FOCAD: variants seen among roughly 807,000 people sequenced by gnomAD.
The protein encoded by FOCAD is focadhesin.
In FOCAD, 198 loss-of-function variants were observed where a neutral mutation model predicts 225.6. The ratio of observed to expected loss-of-function variants is 0.88; its 90% CI spans 0.78 to 0.99. FOCAD has a LOEUF of 0.99. FOCAD is among the 50% of genes least tolerant of loss of function. FOCAD has a pLI of 0.00. For synonymous variants in FOCAD, 897 were observed against 755.0 expected, an observed-to-expected ratio of 1.19 and a Z score of -3.08; for missense variants, 2,713 against 2,123.6, an observed-to-expected ratio of 1.28 and a Z score of -5.46.
intron 15 of FOCAD, among the ~76,000 whole-genome samples, chr9:20,856,800 T>C (rs1004550044): frequency 6.6e-6 from 1 of 152,118 alleles, no homozygotes; most frequent in Non-Finnish European, 1.5e-5. Context: ...GTTTCATTCT[T>C]CTGCATATGG....
intron 15 of FOCAD, among the ~76,000 whole-genome samples, chr9:20,824,181 A>G (rs540757291): frequency 2.4e-4 from 36 of 152,238 alleles, no homozygotes; most frequent in Middle Eastern, 6.8e-3. Context: ...CACATGCCCA[A>G]GGACATTTGA....
At chr9:20,989,365 C>CA (rs1275178142) in intron 41 of FOCAD, among the ~76,000 whole-genome samples, 4 of 152,108 alleles carry the variant, frequency 2.6e-5, no homozygotes, top group African/African-American at 7.2e-5. Flanking sequence ...TGTTTTCTTA[C>CA]AAAAACCTTA....
chr9:20,854,311 G>A (rs1280500532), intron 15 of FOCAD, among the ~76,000 whole-genome samples: 1 of 151,352 alleles, frequency 6.6e-6, no homozygotes, highest in African/African-American at 2.4e-5. Context: ...TTTTTTTTCT[G>A]TTGGTTATAA....
chr9:20,942,909 G>T (rs1401615425), intron 28 of FOCAD, among the ~76,000 whole-genome samples: 1 of 152,218 alleles, frequency 6.6e-6, no homozygotes, highest in Non-Finnish European at 1.5e-5. Context: ...GGCGAGAGAT[G>T]ATGTCTCTGA....
intron 35 of FOCAD, among the ~76,000 whole-genome samples, chr9:20,960,011 T>C (rs1838553635): frequency 6.6e-6 from 1 of 152,190 alleles, no homozygotes; most frequent in East Asian, 1.9e-4. Flanking sequence ...TCCACATTCC[T>C]TTCAACCAGG....
chr9:20,928,201 C>G (rs2132182927), intron 26 of FOCAD, among the ~76,000 whole-genome samples: 1 of 152,212 alleles, frequency 6.6e-6, no homozygotes, highest in African/African-American at 2.4e-5. Context: ...AAAATAATCT[C>G]TTTACTAGTC....
intron 35 of FOCAD, 121 bp downstream of exon 35, chr9:20,953,186 T>C: frequency 1.3e-6 from 1 of 746,560 alleles, no homozygotes; most frequent in Non-Finnish European, 2.2e-6. Context: ...GTGAATATTT[T>C]CGTCTGCTAA....
intron 37 of FOCAD, among the ~76,000 whole-genome samples, chr9:20,979,813 A>G (rs1840533918): frequency 6.6e-6 from 1 of 152,222 alleles, no homozygotes; most frequent in Admixed American, 6.5e-5. Context: ...GGTACCTGCA[A>G]GCACTCAGTG....
intron 8 of FOCAD, among the ~76,000 whole-genome samples, chr9:20,777,161 C>T (rs888685646): frequency 6.6e-6 from 1 of 151,668 alleles, no homozygotes; most frequent in Non-Finnish European, 1.5e-5. Flanking sequence ...AATGGTAAAA[C>T]TGAGATTTTA....
At chr9:20,925,708 G>T (rs1321886112) in intron 25 of FOCAD, among the ~76,000 whole-genome samples, 1 of 152,116 alleles carries the variant, frequency 6.6e-6, no homozygotes, top group Non-Finnish European at 1.5e-5. Context: ...TATTTTTAAT[G>T]AGTGGGGTTT....
intron 1 of FOCAD, among the ~76,000 whole-genome samples, chr9:20,706,577 G>A (rs965525585): frequency 1.3e-5 from 2 of 152,150 alleles, no homozygotes; most frequent in Non-Finnish European, 2.9e-5. Context: ...ACACTTGGTT[G>A]GAAGTCAAGA....
At chr9:20,801,194 T>C (rs571284314) in intron 11 of FOCAD, among the ~76,000 whole-genome samples, 1 of 152,098 alleles carries the variant, frequency 6.6e-6, no homozygotes, top group Non-Finnish European at 1.5e-5. Context: ...TGACACAGCA[T>C]GTTTTAATAT....
At chr9:20,921,398 C>G (rs977200154) in intron 24 of FOCAD, among the ~76,000 whole-genome samples, 1 of 152,172 alleles carries the variant, frequency 6.6e-6, no homozygotes, top group East Asian at 1.9e-4. Flanking sequence ...AAATTAGTCT[C>G]TCTTGTTTGA....
chr9:20,681,565 C>T, upstream of FOCAD, among the ~76,000 whole-genome samples: 1 of 152,220 alleles, frequency 6.6e-6, no homozygotes, highest in Admixed American at 6.5e-5. Context: ...CTGGCAACTT[C>T]TGAGATCCTT....
In FOCAD at chr9:20,720,532, C is replaced by G; in HGVS notation, c.285C>G (p.Thr95=). The G allele has an allele frequency of 1.2e-6, 2 of 1,613,438 alleles. No individual in the cohort carries two copies. The highest frequency in any genetic ancestry group is 1.7e-6 in the Non-Finnish European group (2 of 1,179,764). ...GGATACTCAACTTGATTCCATCAACCAGGTACTTTTTCCTCAGTGTTTGGT... is the reference window on the plus strand; with the variant it reads ...GGATACTCAACTTGATTCCATCAACGAGGTACTTTTTCCTCAGTGTTTGGT... ...LNGILNLIPS[T]RNTHGLIKAI... The change falls in exon 4 of 44, where the codon ACC becomes ACG. Residue 95 remains threonine (T), a splice_region_variant and synonymous_variant. Transcript: ENST00000338382.
At chr9:20,875,817 A>T (rs1473555419) in intron 19 of FOCAD, 1 of 152,102 alleles carries the variant, frequency 6.6e-6, no homozygotes, top group Admixed American at 6.6e-5. Context: ...GTTATTTACA[A>T]ATTCCTCAAG....
intron 42 of FOCAD, 64 bp from the exon 43 acceptor site, chr9:20,993,189 A>C: frequency 7.4e-7 from 1 of 1,342,722 alleles, no homozygotes; most frequent in Non-Finnish European, 1.1e-6. Context: ...GTCCAAGGGA[A>C]TAACTGTTCT....
chr9:20,944,802 C>T, intron 29 of FOCAD, 28 bp downstream of exon 29: 6 of 1,585,878 alleles, frequency 3.8e-6, no homozygotes, highest in Non-Finnish European at 5.2e-6. Context: ...CATTTTTTTC[C>T]CCTCTGCTCT....
chr9:20,955,126 G>A (rs1838018986), intron 35 of FOCAD, among the ~76,000 whole-genome samples: 1 of 152,194 alleles, frequency 6.6e-6, no homozygotes, highest in African/African-American at 2.4e-5. Flanking sequence ...AGGAATAAAT[G>A]GTTTTAGAAA....
Sources: gnomAD v4.1 joint callset for allele counts (sites outside exome capture counted in the v4.1 genomes callset) on GRCh38, gnomAD v4.1.1 for gene constraint, MANE v1.5 for transcripts, NCBI Gene and HGNC (gene_info 2026-07-23, HGNC 2026-07-21) for gene names.